Variants in GALNTL6 observed in about 807,000 individuals in gnomAD.
GALNTL6 encodes the protein polypeptide N-acetylgalactosaminyltransferase-like 6.
Under a neutral mutation model 73.7 loss-of-function variants are expected in GALNTL6, and 46 were observed. That is an observed-to-expected ratio of 0.62 (90% CI 0.49 to 0.80). The LOEUF (loss-of-function observed/expected upper bound fraction) is 0.80. Among genes scored for constraint, GALNTL6 ranks in the 30% least tolerant of loss-of-function variants. The probability of loss-of-function intolerance (pLI) is 0.00; values close to 1 mark genes in which losing one functional copy is unlikely to be tolerated. For missense variants in GALNTL6, 604 were observed against 755.0 expected (o/e 0.80, Z 2.34); for synonymous variants, 259 against 263.7 (o/e 0.98, Z 0.17).
chr4:172,516,804 A>G (rs1579144935), intron 5 of GALNTL6, among the ~76,000 whole-genome samples: 1 of 152,242 alleles, frequency 6.6e-6, no homozygotes, highest in East Asian at 1.9e-4. Flanking sequence ...GCAGATGAAT[A>G]TGTAAATAAA....
chr4:172,854,787 T>G (rs1393544299), intron 7 of GALNTL6, among the ~76,000 whole-genome samples: 1 of 152,206 alleles, frequency 6.6e-6, no homozygotes, highest in African/African-American at 2.4e-5. Context: ...TGTACTATAG[T>G]GAGTTATATG....
At chr4:172,974,636 G>A (rs1750727133) in intron 10 of GALNTL6, among the ~76,000 whole-genome samples, 1 of 152,072 alleles carries the variant, frequency 6.6e-6, no homozygotes, top group Non-Finnish European at 1.5e-5. Context: ...GTTTTTACTC[G>A]GGCCCCCTGG....
intron 5 of GALNTL6, among the ~76,000 whole-genome samples, chr4:172,666,002 G>C (rs1210562034): frequency 6.6e-6 from 1 of 151,690 alleles, no homozygotes; most frequent in Non-Finnish European, 1.5e-5. Context: ...TTGCTGATCT[G>C]GAATTTTTTA....
intron 10 of GALNTL6, among the ~76,000 whole-genome samples, chr4:172,996,282 G>A (rs1751777619): frequency 6.6e-6 from 1 of 151,986 alleles, no homozygotes; most frequent in Admixed American, 6.6e-5. Flanking sequence ...GCAAACTAAC[G>A]CAGGAACAGA....
chr4:172,696,574 A>T (rs1733707823), intron 5 of GALNTL6, among the ~76,000 whole-genome samples: 1 of 152,118 alleles, frequency 6.6e-6, no homozygotes, highest in South Asian at 2.1e-4. Context: ...TTTCCACATT[A>T]TACTTGTGAT....
At chr4:172,034,399 C>CGTGTGT (rs1209195765) in intron 2 of GALNTL6, among the ~76,000 whole-genome samples, 7 of 33,382 alleles carry the variant, frequency 2.1e-4, no homozygotes, top group African/African-American at 4.8e-4. Context: ...AGCGTGCGTG[C>CGTGTGT]GTGTGTGTGT....
At chr4:172,005,232 C>T (rs1724075134) in intron 2 of GALNTL6, among the ~76,000 whole-genome samples, 1 of 152,058 alleles carries the variant, frequency 6.6e-6, no homozygotes, top group African/African-American at 2.4e-5. Context: ...TCAGGTGATG[C>T]TCCCACCTCA....
intron 2 of GALNTL6, among the ~76,000 whole-genome samples, chr4:172,000,640 A>T (rs1740647187): frequency 6.6e-6 from 1 of 152,178 alleles, no homozygotes; most frequent in African/African-American, 2.4e-5. Context: ...TAGGACACTG[A>T]CAGTTTCTGC....
intron 5 of GALNTL6, among the ~76,000 whole-genome samples, chr4:172,759,113 G>T (rs1034540539): frequency 2.6e-5 from 4 of 152,030 alleles, no homozygotes; most frequent in African/African-American, 9.7e-5. Context: ...TTACTTTCTT[G>T]CCCACAACCA....
rs1392665565 is a variant in GALNTL6 at position 171,971,064 on chromosome 4, T to C, written c.138+156346T>C. 3.3e-5 allele frequency among the ~76,000 whole-genome samples: 5 copies of C among 152,356 alleles called. No homozygotes were observed. The East Asian group carries it at 7.7e-4, about 23-fold the overall frequency. On this transcript the variant is annotated intron_variant, in intron 2 of 12. Coordinates refer to ENST00000506823, the MANE Select transcript of GALNTL6 (RefSeq NM_001034845.3). ...CCTGCATGGAGGAGATGGCAATGTC[T>C]GCAGCTCTTACTTCTTGGTAGCAAA...
chr4:172,069,105 A>G lies in GALNTL6; in HGVS notation c.139-160551A>G, dbSNP rs1731433608. The stretch of plus-strand genomic sequence containing the variant: ...AGACTCAGCAGAAATTCTCCCTTCC[A>G]GCTGGAGACTGAAGAACTCTGGCTT... On this transcript the variant is annotated intron_variant, in intron 2 of 12. Transcript: ENST00000506823. Among the ~76,000 whole-genome samples, 2 of 109,860 alleles carry G rather than the reference A, an allele frequency of 1.8e-5. 1 individual carries two copies. Among genetic ancestry groups the G allele is most frequent in the Non-Finnish European group, 4.0e-5 (2 of 49,502 alleles). 72.1% of individuals were successfully genotyped at this position (109,860 alleles called of 152,430 possible). A position where few individuals can be genotyped will look rare whatever the true frequency, so the allele number is the denominator to read the frequency against.
intron 3 of GALNTL6, among the ~76,000 whole-genome samples, chr4:172,242,038 A>G (rs1245083006): frequency 2.6e-5 from 4 of 152,178 alleles, no homozygotes. Context: ...TCATTATTCA[A>G]TATACATTGA....
chr4:172,301,367 T>C (rs1739912553), intron 3 of GALNTL6, among the ~76,000 whole-genome samples: 1 of 152,226 alleles, frequency 6.6e-6, no homozygotes, highest in Non-Finnish European at 1.5e-5. Context: ...TTCTCTCAAC[T>C]CGTCAAAGTC....
chr4:172,757,406 A>G (rs976723464), intron 5 of GALNTL6, among the ~76,000 whole-genome samples: 5 of 152,176 alleles, frequency 3.3e-5, no homozygotes, highest in African/African-American at 9.6e-5. Context: ...GTTTAACCCA[A>G]CTGGGTTATA....
intron 3 of GALNTL6, among the ~76,000 whole-genome samples, chr4:172,288,727 T>G (rs955698415): frequency 2.0e-5 from 3 of 152,192 alleles, no homozygotes; most frequent in Admixed American, 1.3e-4. Flanking sequence ...ACTTGATTTA[T>G]TAATACTTTT....
intron 5 of GALNTL6, chr4:172,668,394 G>A (rs1731786473): frequency 1.3e-5 from 2 of 152,272 alleles, no homozygotes; most frequent in South Asian, 4.1e-4. Flanking sequence ...GAACACTGAG[G>A]AGAGAAGCCA....
chr4:172,920,389 C>T (rs1747733292), intron 8 of GALNTL6, among the ~76,000 whole-genome samples: 1 of 152,078 alleles, frequency 6.6e-6, no homozygotes, highest in Non-Finnish European at 1.5e-5. Context: ...TTACATCTAG[C>T]CCAGAAAAGT....
At chr4:172,328,031 C>A (rs544856681) in intron 4 of GALNTL6, among the ~76,000 whole-genome samples, 2 of 151,916 alleles carry the variant, frequency 1.3e-5, no homozygotes, top group East Asian at 3.9e-4. Context: ...AACAATCTTC[C>A]CTTTTCATAT....
rs192197888 is a variant in GALNTL6, at chr4:172,335,729, G to A, written c.387-12794G>A. On this transcript the variant is annotated intron_variant, in intron 4 of 12. Transcript: ENST00000506823. ...TTCCTCTAGGTTTTCCAGTTTGTGT[G>A]TATAGATGTGGTCGTATTAGTCTCT... Among the ~76,000 whole-genome samples, 123 of 152,238 alleles carry A rather than the reference G, an allele frequency of 8.1e-4. 2 individuals are homozygous for A. The South Asian group carries it at 0.016, about 20-fold the overall frequency.
Sources: allele counts gnomAD v4.1 joint callset (sites outside exome capture counted in the v4.1 genomes callset), GRCh38; gene constraint gnomAD v4.1.1; transcripts MANE v1.5; gene names NCBI Gene and HGNC (gene_info 2026-07-23, HGNC 2026-07-21).